RBFOX1: variants seen among roughly 807,000 people sequenced by gnomAD.
RBFOX1 encodes the protein RNA binding fox-1 homolog 1, also known as RNA binding protein fox-1 homolog 1.
RBFOX1 carries 8 observed loss-of-function variants against 57.7 expected under a neutral mutation model. The ratio of observed to expected loss-of-function variants is 0.14; its 90% CI spans 0.08 to 0.25. RBFOX1 has a LOEUF of 0.25. Ranked by LOEUF, RBFOX1 falls within the 10% of genes least tolerant of loss-of-function variation. The pLI, the probability that RBFOX1 is intolerant of heterozygous loss-of-function variation, is 1.00. For synonymous variants in RBFOX1, 326 were observed against 222.4 expected (o/e 1.47, Z -4.15); for missense variants, 611 against 548.5 (o/e 1.11, Z -1.14).
intron 4 of RBFOX1, among the ~76,000 whole-genome samples, chr16:7,439,005 C>T (rs1055022890): frequency 1.3e-5 from 2 of 152,290 alleles, no homozygotes; most frequent in African/African-American, 2.4e-5. Context: ...GGGCAGGTCG[C>T]GCTGTGGTGG....
At chr16:5,436,437 C>G (rs1005937101) in intron 1 of RBFOX1, among the ~76,000 whole-genome samples, 8 of 152,210 alleles carry the variant, frequency 5.3e-5, no homozygotes, top group African/African-American at 1.7e-4. Flanking sequence ...TCTCTAAGCT[C>G]TTTGCATTCA....
At chr16:6,711,449 C>A (rs1285082625) in intron 3 of RBFOX1, among the ~76,000 whole-genome samples, 1 of 152,108 alleles carries the variant, frequency 6.6e-6, no homozygotes, top group African/African-American at 2.4e-5. Flanking sequence ...ATGGTAATCC[C>A]CACGTGTCAA....
At chr16:5,297,899 T>G (rs2063707459) in intron 1 of RBFOX1, among the ~76,000 whole-genome samples, 1 of 152,256 alleles carries the variant, frequency 6.6e-6, no homozygotes, top group Non-Finnish European at 1.5e-5. Context: ...GAACAAAGTC[T>G]GTTAGGTATT....
chr16:5,251,219 A>C (rs1430603367), intron 1 of RBFOX1, among the ~76,000 whole-genome samples: 1 of 152,162 alleles, frequency 6.6e-6, no homozygotes, highest in Non-Finnish European at 1.5e-5. Flanking sequence ...CATTCCTGGC[A>C]ATGTTACTGC....
intron 3 of RBFOX1, among the ~76,000 whole-genome samples, chr16:5,625,302 G>T (rs1284781886): frequency 6.6e-6 from 1 of 152,062 alleles, no homozygotes; most frequent in Middle Eastern, 3.2e-3. Context: ...TGATGCAATG[G>T]AGTCTCTGAG....
chr16:6,489,647 T>C (rs985287292), intron 2 of RBFOX1, among the ~76,000 whole-genome samples: 5 of 152,150 alleles, frequency 3.3e-5, no homozygotes, highest in African/African-American at 1.2e-4. Flanking sequence ...CAAAAGACGT[T>C]TTTAGTCTCA....
At chr16:7,516,383 G>C (rs1053382189) in intron 4 of RBFOX1, among the ~76,000 whole-genome samples, 1 of 152,044 alleles carries the variant, frequency 6.6e-6, no homozygotes, top group Admixed American at 6.6e-5. Flanking sequence ...GGCTCATCTC[G>C]TAGCGACTGG....
At chr16:6,912,656 T>G (rs2071973783) in intron 3 of RBFOX1, among the ~76,000 whole-genome samples, 1 of 151,378 alleles carries the variant, frequency 6.6e-6, no homozygotes, top group Admixed American at 6.6e-5. Flanking sequence ...CACTGTGTCA[T>G]CCAGGCTGGA....
At chr16:5,989,804 G>A (rs79754328) in intron 4 of RBFOX1, among the ~76,000 whole-genome samples, 1,750 of 147,274 alleles carry the variant, frequency 0.012, 39 homozygotes, top group African/African-American at 0.042. Flanking sequence ...GACACCCACC[G>A]AACTCTTTAT....
chr16:5,502,535 G>A (rs1304799196), intron 2 of RBFOX1, among the ~76,000 whole-genome samples: 4 of 152,138 alleles, frequency 2.6e-5, no homozygotes, highest in Admixed American at 2.0e-4. Context: ...GCCTTTTGTT[G>A]CTGTTACTGT....
At chr16:6,279,892 G>T (rs985889690) in intron 1 of RBFOX1, among the ~76,000 whole-genome samples, 1 of 151,824 alleles carries the variant, frequency 6.6e-6, no homozygotes, top group Non-Finnish European at 1.5e-5. Flanking sequence ...TCTAGGTGAG[G>T]ATTTTTTTTT....
chr16:5,368,892 A>G (rs1165588449), intron 1 of RBFOX1, among the ~76,000 whole-genome samples: 4 of 152,162 alleles, frequency 2.6e-5, no homozygotes, highest in Non-Finnish European at 5.9e-5. Flanking sequence ...TTTTTATGTG[A>G]TATGAGTTAG....
intron 10 of RBFOX1, among the ~76,000 whole-genome samples, chr16:7,615,265 G>A (rs945178155): frequency 1.1e-4 from 17 of 152,022 alleles, no homozygotes; most frequent in African/African-American, 2.2e-4. Flanking sequence ...CCTGGGAGGC[G>A]GAGCTTGCAG....
chr16:6,915,600 G>C (rs1218729061), intron 3 of RBFOX1, among the ~76,000 whole-genome samples: 3 of 148,320 alleles, frequency 2.0e-5, no homozygotes, highest in African/African-American at 7.5e-5. Flanking sequence ...ACCCAGGCTG[G>C]AGTGCAGTGC....
At position 6,496,542 on chromosome 16, in the gene RBFOX1, G is replaced by T. The variant is rs534869208; in HGVS notation, c.-63-158061G>T. Among the ~76,000 whole-genome samples the T allele has an allele frequency of 7.2e-5, 11 of 152,262 alleles. No individual in the cohort carries two copies. In the East Asian group the frequency reaches 2.1e-3, roughly 29 times the overall value. On this transcript the variant is annotated intron_variant, in intron 2 of 15. Transcript: ENST00000550418. Reference sequence around the variant, plus strand: ...TGCCCACTTGAACGTATCAGTTTAGGCACAGTTATCCAAAGCTGTTGCTGC... The same window carrying T: ...TGCCCACTTGAACGTATCAGTTTAGTCACAGTTATCCAAAGCTGTTGCTGC...
intron 15 of RBFOX1, 74 bp downstream of exon 15, chr16:7,709,205 G>A: frequency 7.4e-7 from 1 of 1,356,510 alleles, no homozygotes. Context: ...CCTCAGTACG[G>A]GTTGACGTCC....
chr16:5,742,486 T>A (rs2052810854), intron 3 of RBFOX1, among the ~76,000 whole-genome samples: 1 of 152,186 alleles, frequency 6.6e-6, no homozygotes, highest in Admixed American at 6.6e-5. Context: ...TGAAGGAGGC[T>A]TCTACACTGG....
At chr16:6,171,025 A>G (rs894774691) in intron 1 of RBFOX1, among the ~76,000 whole-genome samples, 1 of 152,074 alleles carries the variant, frequency 6.6e-6, no homozygotes, top group Non-Finnish European at 1.5e-5. Context: ...TGTCTTTGCT[A>G]TTGTGAATAG....
intron 3 of RBFOX1, among the ~76,000 whole-genome samples, chr16:6,840,659 C>T (rs965351705): frequency 6.6e-6 from 1 of 152,022 alleles, no homozygotes. Flanking sequence ...GAGGCCGAGG[C>T]TGGTGGATCA....
Sources: allele counts gnomAD v4.1 joint callset (sites outside exome capture counted in the v4.1 genomes callset), GRCh38; gene constraint gnomAD v4.1.1; transcripts MANE v1.5; gene names NCBI Gene and HGNC (gene_info 2026-07-23, HGNC 2026-07-21).